The following COXFA4 variants were observed in gnomAD, a reference collection of about 807,000 sequenced individuals.
COXFA4 encodes the protein cytochrome c oxidase subunit FA4.
chr7:10,933,577 G>A, the COXFA4 span: 6 of 1,342,442 alleles, frequency 4.5e-6, no homozygotes, highest in African/African-American at 7.2e-5. Flanking sequence ...GGAAAATTGT[G>A]CGGATGTGGC....
the COXFA4 span, chr7:10,937,972 C>T: frequency 1.2e-6 from 1 of 828,286 alleles, no homozygotes. Context: ...CCTAACAGCT[C>T]TTTAAAGTTC....
At chr7:10,933,779 T>A in the COXFA4 span, 1 of 938,844 alleles carries the variant, frequency 1.1e-6, no homozygotes. Context: ...TTTGGTTTTC[T>A]ACAGTAACAA....
chr7:10,938,143 C>T, the COXFA4 span: 1 of 1,611,962 alleles, frequency 6.2e-7, no homozygotes, highest in Non-Finnish European at 8.5e-7. Context: ...TTATTTCTGT[C>T]CCAACTAAAA....
chr7:10,940,064 G>T, the COXFA4 span: 1 of 1,613,568 alleles, frequency 6.2e-7, no homozygotes, highest in South Asian at 1.1e-5. Flanking sequence ...GCATGTTTGC[G>T]GCAGAGGTCT....
the COXFA4 span, among the ~76,000 whole-genome samples, chr7:10,934,376 T>TAAAAAA: frequency 1.0e-3 from 128 of 126,960 alleles, 1 homozygote; most frequent in African/African-American, 3.7e-3. Flanking sequence ...GTGATTGCTT[T>TAAAAAA]AAAAAAAAAA....
At chr7:10,938,815 C>T in the COXFA4 span, 1 of 1,612,952 alleles carries the variant, frequency 6.2e-7, no homozygotes, top group Non-Finnish European at 8.5e-7. Flanking sequence ...TACCAAACAT[C>T]TGGATTGAAC....
the COXFA4 span, chr7:10,938,232 A>G: frequency 1.5e-5 from 18 of 1,222,668 alleles, no homozygotes; most frequent in Non-Finnish European, 1.9e-5. Flanking sequence ...TGAACAGATC[A>G]ATCTTATTTT....
At chr7:10,940,096 G>C in the COXFA4 span, 7 of 1,606,994 alleles carry the variant, frequency 4.4e-6, no homozygotes, top group African/African-American at 4.0e-5. Flanking sequence ...GGAGAGAACC[G>C]ACCTAGCCAC....
At chr7:10,938,644 A>C in the COXFA4 span, 1 of 596,648 alleles carries the variant, frequency 1.7e-6, no homozygotes, top group Non-Finnish European at 3.0e-6. Context: ...AATTTCATGA[A>C]CCAAAAAAAG....
chr7:10,938,993 C>G, the COXFA4 span: 1 of 933,856 alleles, frequency 1.1e-6, no homozygotes, highest in Non-Finnish European at 1.8e-6. Context: ...TTCCAAGTCT[C>G]AAACTGTTAT....
At chr7:10,935,772 GTCTACAGTA>G in the COXFA4 span, among the ~76,000 whole-genome samples, 7 of 152,182 alleles carry the variant, frequency 4.6e-5, no homozygotes, top group African/African-American at 1.7e-4. Flanking sequence ...AAGCCACCTG[GTCTACAGTA>G]TCTTGTTACG....
chr7:10,936,480 A>T, the COXFA4 span, among the ~76,000 whole-genome samples: 1 of 152,134 alleles, frequency 6.6e-6, no homozygotes, highest in African/African-American at 2.4e-5. Context: ...TTACTTTTTA[A>T]AAGTTTCTTG....
the COXFA4 span, among the ~76,000 whole-genome samples, chr7:10,936,549 A>G: frequency 6.6e-6 from 1 of 152,244 alleles, no homozygotes; most frequent in Non-Finnish European, 1.5e-5. Context: ...AAACAATGTC[A>G]TAAGACATAA....
chr7:10,938,662 A>G, the COXFA4 span: 3 of 640,662 alleles, frequency 4.7e-6, no homozygotes, highest in East Asian at 8.4e-5. Flanking sequence ...AAGTAAATGA[A>G]AACAGCAGAT....
At chr7:10,934,634 G>A in the COXFA4 span, among the ~76,000 whole-genome samples, 2 of 152,094 alleles carry the variant, frequency 1.3e-5, no homozygotes, top group African/African-American at 4.8e-5. Flanking sequence ...TTTTAAGCAT[G>A]AAGTTCACAA....
the COXFA4 span, chr7:10,933,579 G>A: frequency 2.3e-5 from 31 of 1,367,024 alleles, no homozygotes; most frequent in South Asian, 9.4e-5. Flanking sequence ...AAAATTGTGC[G>A]GATGTGGCTT....
chr7:10,939,855 G>C, the COXFA4 span: 2 of 831,422 alleles, frequency 2.4e-6, no homozygotes, highest in South Asian at 1.4e-5. Context: ...GAGGGTCACA[G>C]AGGCCTGGGA....
the COXFA4 span, among the ~76,000 whole-genome samples, chr7:10,936,377 A>C: frequency 1.3e-5 from 2 of 152,222 alleles, no homozygotes; most frequent in East Asian, 3.9e-4. Flanking sequence ...TATCGGAATC[A>C]TCTGTTACAC....
the COXFA4 span, chr7:10,939,702 TCC>T: frequency 2.3e-6 from 1 of 434,814 alleles, no homozygotes; most frequent in Non-Finnish European, 4.3e-6. Flanking sequence ...CGCACATCTA[TCC>T]CTCCTGGACC....
Sources: gnomAD v4.1 joint callset for allele counts (sites outside exome capture counted in the v4.1 genomes callset) on GRCh38, gnomAD v4.1.1 for gene constraint, MANE v1.5 for transcripts, NCBI Gene and HGNC (gene_info 2026-07-23, HGNC 2026-07-21) for gene names.